Variants in RTN3 observed in about 807,000 individuals in gnomAD.
RTN3 encodes the protein reticulon-3.
In RTN3, 49 loss-of-function variants were observed where a neutral mutation model predicts 77.8. That is an observed-to-expected ratio of 0.63 (90% CI 0.50 to 0.80). The LOEUF is 0.80. RTN3 is among the 30% of genes least tolerant of loss of function. The pLI is 0.00. For synonymous variants in RTN3, 464 were observed against 446.9 expected, an observed-to-expected ratio of 1.04 and a Z score of -0.48; for missense variants, 1,236 against 1,211.9, an observed-to-expected ratio of 1.02 and a Z score of -0.29.
chr11:63,751,461 G>A lies in RTN3; in HGVS notation c.2739-1046G>A, dbSNP rs572556135. ...AATTTCTAGCTTTTTTGATTGTGCTGTAACTTTAACTAATGTTTTCTTCAC... is the reference window on the plus strand; with the variant it reads ...AATTTCTAGCTTTTTTGATTGTGCTATAACTTTAACTAATGTTTTCTTCAC... On this transcript the variant is annotated intron_variant, in intron 4 of 8. Coordinates refer to ENST00000377819, the MANE Select transcript of RTN3 (RefSeq NM_001265589.2). 2.6e-5 allele frequency among the ~76,000 whole-genome samples: 4 copies of A among 152,254 alleles called. 1 individual carries two copies. In the South Asian group the frequency reaches 8.3e-4, roughly 32 times the overall value.
At chr11:63,733,359 C>T (rs572187875) in intron 3 of RTN3, among the ~76,000 whole-genome samples, 20 of 151,800 alleles carry the variant, frequency 1.3e-4, no homozygotes, top group Admixed American at 5.3e-4. Flanking sequence ...CGTGGTGGCA[C>T]GCGCCTGTAG....
chr11:63,705,453 C>T (rs1029297212), intron 2 of RTN3, among the ~76,000 whole-genome samples: 1 of 152,176 alleles, frequency 6.6e-6, no homozygotes, highest in Non-Finnish European at 1.5e-5. Flanking sequence ...GCACTCCCCG[C>T]TGGGTGAGAG....
chr11:63,724,103 C>G (rs1269271631), intron 3 of RTN3, among the ~76,000 whole-genome samples: 1 of 151,278 alleles, frequency 6.6e-6, no homozygotes, highest in Non-Finnish European at 1.5e-5. Flanking sequence ...ATTGTTACAG[C>G]CTTTCTGGAA....
chr11:63,685,898 A>G (rs1590769108), intron 1 of RTN3, among the ~76,000 whole-genome samples: 1 of 152,198 alleles, frequency 6.6e-6, no homozygotes, highest in Non-Finnish European at 1.5e-5. Context: ...AGAATGAGTG[A>G]TGGCACTCTG....
rs895282384 is a variant in RTN3 at position 63,718,613 on chromosome 11, A to T, written c.200-89A>T. On this transcript the variant is annotated intron_variant, in intron 2 of 8. Transcript: ENST00000377819. Reference sequence around the variant, plus strand: ...GTGTATATATATATTTATGTAATTTAAAAAATAAAAAGCATGCTGCTTGGC... The same window carrying T: ...GTGTATATATATATTTATGTAATTTTAAAAATAAAAAGCATGCTGCTTGGC... 7.9e-6 allele frequency: 7 copies of T among 883,054 alleles called. No individual in the cohort carries two copies. The Admixed American group carries it at 2.3e-4, about 29-fold the overall frequency. 54.7% of individuals were successfully genotyped at this position (883,054 alleles called of 1,614,324 possible). A position where few individuals can be genotyped will look rare whatever the true frequency, so the allele number is the denominator to read the frequency against.
rs74809778 is a variant in RTN3, at chr11:63,698,931, C to T, written c.143-5920C>T. 6.0e-3 allele frequency among the ~76,000 whole-genome samples: 909 copies of T among 152,322 alleles called. 15 individuals carry two copies. Among genetic ancestry groups the T allele is most frequent in the African/African-American group, 0.021 (871 of 41,572 alleles). On this transcript the variant is annotated intron_variant, in intron 1 of 8. Transcript: ENST00000377819. ...GAGCCTGTCCCTATTACTGCACTGCCTGTTCAACAGTTGCCACTTATATAT... is the reference window on the plus strand; with the variant it reads ...GAGCCTGTCCCTATTACTGCACTGCTTGTTCAACAGTTGCCACTTATATAT...
chr11:63,720,303 G>C lies in RTN3; in HGVS notation c.1801G>C (p.Glu601Gln), dbSNP rs1319704590. ...SLEDVSEVAP[E>Q]KPITTENPKL... is the part of the protein sequence containing the mutation. ...AGAAGATGTGAGTGAAGTTGCTCCT[G>C]AAAAGCCTATTACTACTGAGAACCC... Residue 601 changes from glutamate (E) to glutamine (Q), a missense_variant, in exon 3 of 9, where the codon GAA becomes CAA. Around this residue, in one of 3 missense-constraint regions of RTN3, gnomAD observed 1,056 missense variants for 990.4 expected, o/e 1.07. Transcript: ENST00000377819. 6 of 1,613,392 alleles carry C rather than the reference G, an allele frequency of 3.7e-6. No homozygotes were observed. In the South Asian group the frequency reaches 6.6e-5, roughly 18 times the overall value.
At chr11:63,692,525 G>T (rs1941716075) in intron 1 of RTN3, among the ~76,000 whole-genome samples, 1 of 151,978 alleles carries the variant, frequency 6.6e-6, no homozygotes, top group Non-Finnish European at 1.5e-5. Context: ...TTGGGAGGCT[G>T]AGGCAGACAG....
At chr11:63,696,246 A>G (rs1218666299) in intron 1 of RTN3, among the ~76,000 whole-genome samples, 1 of 151,232 alleles carries the variant, frequency 6.6e-6, no homozygotes, top group Non-Finnish European at 1.5e-5. Flanking sequence ...AAAATAGAAA[A>G]ATTAGCCAGA....
intron 1 of RTN3, among the ~76,000 whole-genome samples, chr11:63,686,412 A>G (rs1478371150): frequency 6.7e-6 from 1 of 149,942 alleles, no homozygotes; most frequent in Non-Finnish European, 1.5e-5. Context: ...CGGAGCTTGC[A>G]GTGAGCCTAG....
chr11:63,754,648 C>T lies in RTN3; in HGVS notation c.2994+940C>T, dbSNP rs190131413. Among the ~76,000 whole-genome samples the T allele has an allele frequency of 3.0e-3, 437 of 145,676 alleles. 4 individuals carry two copies. Among genetic ancestry groups the T allele is most frequent in the African/African-American group, 0.011 (416 of 38,592 alleles). On this transcript the variant is annotated intron_variant, in intron 7 of 8. Transcript: ENST00000377819. ...CTGGGAGGTGGAGGTTGCAGTGAGC[C>T]GAGATTGCACCACTGCACTCCAACC...
At chr11:63,687,423 C>A (rs1458676648) in intron 1 of RTN3, among the ~76,000 whole-genome samples, 1 of 152,128 alleles carries the variant, frequency 6.6e-6, no homozygotes, top group Non-Finnish European at 1.5e-5. Flanking sequence ...TCGAGACCAG[C>A]CTGGCCAACA....
intron 1 of RTN3, among the ~76,000 whole-genome samples, chr11:63,684,348 A>C (rs1395715337): frequency 2.0e-5 from 3 of 151,896 alleles, no homozygotes; most frequent in East Asian, 1.9e-4. Flanking sequence ...AGGGTTTCAC[A>C]GTGTTAGCCA....
chr11:63,750,734 T>C (rs1424171541), intron 4 of RTN3, among the ~76,000 whole-genome samples: 1 of 147,394 alleles, frequency 6.8e-6, no homozygotes, highest in Non-Finnish European at 1.5e-5. Context: ...TTTTTGTTTT[T>C]TGTTTGTGTG....
intron 3 of RTN3, among the ~76,000 whole-genome samples, chr11:63,732,821 A>G (rs1335418491): frequency 1.3e-5 from 2 of 152,218 alleles, no homozygotes; most frequent in Non-Finnish European, 2.9e-5. Context: ...TGTCATATAT[A>G]ATACATATGT....
chr11:63,683,943 C>CTTTTTTTTTTTTTTTTTTTT lies in RTN3; in HGVS notation c.142+2175_142+2194dup, dbSNP rs35837590. Among the ~76,000 whole-genome samples, 37 of 58,942 alleles carry CTTTTTTTTTTTTTTTTTTTT rather than the reference C, an allele frequency of 6.3e-4. 2 individuals are homozygous for CTTTTTTTTTTTTTTTTTTTT. The highest frequency in any genetic ancestry group is 1.0e-3 in the South Asian group (2 of 1,984). The allele number at this position is 58,942 out of a possible 152,430, so 38.7% of individuals were successfully genotyped here. Reference sequence around the variant, plus strand: ...TATTTCTTTCTCTTTTCTTTTCTTTCTTTTTTTTTTTTTTTTTTTTTTTTT... The same window carrying CTTTTTTTTTTTTTTTTTTTT: ...TATTTCTTTCTCTTTTCTTTTCTTTCTTTTTTTTTTTTTTTTTTTTTTTTTTTTTTTTTTTTTTTTTTTTT... On this transcript the variant is annotated intron_variant, in intron 1 of 8. Coordinates refer to ENST00000377819, the MANE Select transcript of RTN3 (RefSeq NM_001265589.2).
In RTN3 at chr11:63,720,835, T is replaced by G. The variant is rs2011730592; in HGVS notation, c.2333T>G (p.Phe778Cys). ...LPSEEVLKQT[F>C]TFAPESWPQR... ...TCTGAAGAAGTACTGAAGCAAACTT[T>G]CACATTTGCTCCAGAATCTTGGCCA... Residue 778 changes from phenylalanine to cysteine, a missense_variant, in exon 3 of 9, where the codon TTC becomes TGC. By Grantham distance (205) the Phe-to-Cys change is radical (BLOSUM62 -2). Transcript: ENST00000377819. 2 of 1,613,856 alleles carry G rather than the reference T, an allele frequency of 1.2e-6. No homozygotes were observed. The highest frequency in any genetic ancestry group is 1.1e-5 in the South Asian group (1 of 91,076).
intron 2 of RTN3, chr11:63,714,173 G>T: frequency 2.8e-6 from 1 of 350,936 alleles, no homozygotes; most frequent in South Asian, 2.1e-5. Context: ...AGTTTGTTAG[G>T]GTTTCAGCTA....
intron 7 of RTN3, 76 bp downstream of exon 7, chr11:63,753,784 AT>A: frequency 7.7e-7 from 1 of 1,304,356 alleles, no homozygotes; most frequent in Non-Finnish European, 1.1e-6. Flanking sequence ...GAGACATTGA[AT>A]GTTCAGAGCA....
Sources: allele counts gnomAD v4.1 joint callset (sites outside exome capture counted in the v4.1 genomes callset), GRCh38; gene constraint gnomAD v4.1.1; regional missense constraint gnomAD v4.1.1; transcripts MANE v1.5; gene names NCBI Gene and HGNC (gene_info 2026-07-23, HGNC 2026-07-21).